KIFBP: variants seen among roughly 807,000 people sequenced by gnomAD.
KIFBP encodes KIF-binding protein.
In KIFBP, 46 loss-of-function variants were observed where a neutral mutation model predicts 58.9. The ratio of observed to expected loss-of-function variants is 0.78; its 90% CI spans 0.62 to 1.00. The LOEUF (loss-of-function observed/expected upper bound fraction) is 1.00. KIFBP is among the 50% of genes least tolerant of loss of function. KIFBP has a pLI of 0.00. For missense variants in KIFBP, 651 were observed against 752.9 expected, an observed-to-expected ratio of 0.86 and a Z score of 1.58; for synonymous variants, 241 against 283.4, an observed-to-expected ratio of 0.85 and a Z score of 1.50.
intron 1 of KIFBP, chr10:68,999,869 C>A (rs1313405841): frequency 6.3e-6 from 1 of 157,942 alleles, no homozygotes; most frequent in African/African-American, 2.4e-5. Context: ...AACGGTGAAA[C>A]CCCGTCTCTA....
chr10:69,016,805 A>G lies in KIFBP; in HGVS notation c.*389A>G, dbSNP rs1839012514. On this transcript the variant is annotated 3_prime_UTR_variant, in exon 7 of 7. Transcript: ENST00000361983. ...TATTAAGATTGAAAAAGTAACTTCT[A>G]TAGTTACTCCTTCTAAAATATTTGA... is the stretch of plus-strand genomic sequence containing the variant. 6.1e-6 allele frequency: 1 copy of G among 164,310 alleles called. No individual in the cohort carries two copies. The highest frequency in any genetic ancestry group is 1.3e-5 in the Non-Finnish European group (1 of 75,716). The allele number at this position is 164,310 out of a possible 1,614,324, so 10.2% of individuals were successfully genotyped here.
intron 4 of KIFBP, chr10:69,006,907 G>A (rs1402688619): frequency 6.6e-6 from 1 of 152,164 alleles, no homozygotes; most frequent in African/African-American, 2.4e-5. Flanking sequence ...TCGCTTCTAG[G>A]ACTTTGGTCT....
intron 5 of KIFBP, among the ~76,000 whole-genome samples, chr10:69,010,214 C>A (rs1843576528): frequency 6.6e-6 from 1 of 152,022 alleles, no homozygotes; most frequent in Admixed American, 6.6e-5. Context: ...TGTTGGTTGG[C>A]ATATTTGTTG....
chr10:69,003,453 A>C (rs1031094992), intron 2 of KIFBP, among the ~76,000 whole-genome samples: 2 of 152,326 alleles, frequency 1.3e-5, no homozygotes, highest in East Asian at 3.9e-4. Flanking sequence ...ATTTTTATGA[A>C]AGACGTTGTT....
chr10:69,016,665 A>G lies in KIFBP; in HGVS notation c.*249A>G. ...TTTTAGATGCTTGTTTCCTATTAAA[A>G]TACAGACATTTCTACCCTCAGTTTC... On this transcript the variant is annotated 3_prime_UTR_variant, in exon 7 of 7. Coordinates refer to ENST00000361983, the MANE Select transcript of KIFBP (RefSeq NM_015634.4). The G allele has an allele frequency of 2.1e-6, 1 of 468,044 alleles. No individual in the cohort carries two copies. The highest frequency in any genetic ancestry group is 3.8e-6 in the Non-Finnish European group (1 of 261,586). The allele number at this position is 468,044 out of a possible 1,614,324, so 29.0% of individuals were successfully genotyped here.
intron 1 of KIFBP, among the ~76,000 whole-genome samples, chr10:68,997,347 A>G (rs1224457989): frequency 1.3e-5 from 2 of 152,102 alleles, no homozygotes; most frequent in Non-Finnish European, 2.9e-5. Context: ...CTTGGAGGAG[A>G]AGCCTGGTGG....
rs769689557 is a variant in KIFBP, at chr10:68,989,255, G to A, written c.423G>A (p.Ala141=). Residue 141 remains alanine, a synonymous_variant, in exon 1 of 7, where the codon GCG becomes GCA. Coordinates refer to ENST00000361983, the MANE Select transcript of KIFBP (RefSeq NM_015634.4). ...SHDCISLCIQ[A]QNNLGILWSE... Reference sequence around the variant, plus strand: ...ACTGCATCTCTCTCTGCATCCAGGCGCAGGTGAGAGCGAGCCCGGCCAGGC... The same window carrying A: ...ACTGCATCTCTCTCTGCATCCAGGCACAGGTGAGAGCGAGCCCGGCCAGGC... 1 of 1,612,768 alleles carries A rather than the reference G, an allele frequency of 6.2e-7. No homozygotes were observed. The highest frequency in any genetic ancestry group is 8.5e-7 in the Non-Finnish European group (1 of 1,179,796).
chr10:69,006,325 G>A (rs1268353484), intron 4 of KIFBP, among the ~76,000 whole-genome samples: 1 of 152,114 alleles, frequency 6.6e-6, no homozygotes, highest in Non-Finnish European at 1.5e-5. Flanking sequence ...TTTGATAAAA[G>A]CATGTGATGC....
intron 2 of KIFBP, among the ~76,000 whole-genome samples, chr10:69,003,383 T>C (rs1229836869): frequency 6.6e-6 from 1 of 152,206 alleles, no homozygotes. Context: ...TTACTTTATG[T>C]GAATCCTGGG....
At chr10:68,994,319 G>A (rs1022954648) in intron 1 of KIFBP, among the ~76,000 whole-genome samples, 2 of 152,072 alleles carry the variant, frequency 1.3e-5, no homozygotes, top group African/African-American at 4.8e-5. Flanking sequence ...AAATACGTAT[G>A]TATGTGTGTG....
At chr10:69,003,471 G>T (rs967338308) in intron 2 of KIFBP, among the ~76,000 whole-genome samples, 1 of 152,124 alleles carries the variant, frequency 6.6e-6, no homozygotes, top group Admixed American at 6.6e-5. Flanking sequence ...GTTCCTTTTT[G>T]AGTTTAATGA....
intron 6 of KIFBP, 32 bp from the exon 7 acceptor site, chr10:69,015,509 A>G (rs201408387): frequency 1.9e-6 from 3 of 1,604,342 alleles, no homozygotes; most frequent in East Asian, 4.5e-5. Context: ...TGAGTGTCCT[A>G]CTTAACCATA....
intron 1 of KIFBP, among the ~76,000 whole-genome samples, chr10:68,998,392 A>C (rs1431633971): frequency 1.3e-5 from 2 of 152,192 alleles, no homozygotes; most frequent in Non-Finnish European, 2.9e-5. Context: ...GCAAACTAGC[A>C]TAATAGAAAG....
chr10:69,005,435 T>C (rs1843521959), intron 3 of KIFBP, among the ~76,000 whole-genome samples: 1 of 152,148 alleles, frequency 6.6e-6, no homozygotes, highest in South Asian at 2.1e-4. Context: ...CCCAGCACTT[T>C]GGGAGGCTGA....
chr10:69,011,395 C>CTTTTT (rs10700812), intron 6 of KIFBP: 7 of 130,038 alleles, frequency 5.4e-5, no homozygotes, highest in South Asian at 1.8e-4. Flanking sequence ...ATATCATATT[C>CTTTTT]TTTTTTTTTT....
intron 1 of KIFBP, among the ~76,000 whole-genome samples, chr10:68,999,190 C>T (rs538791480): frequency 1.1e-4 from 16 of 151,954 alleles, no homozygotes; most frequent in African/African-American, 3.4e-4. Flanking sequence ...CTCTGCCTCC[C>T]AGGTTCAGGC....
At chr10:69,005,450 G>A (rs1564636872) in intron 3 of KIFBP, among the ~76,000 whole-genome samples, 2 of 152,110 alleles carry the variant, frequency 1.3e-5, no homozygotes, top group South Asian at 2.1e-4. Flanking sequence ...GGCTGAGGCG[G>A]GTGGATCACA....
intron 1 of KIFBP, chr10:68,991,469 G>A (rs374566154): frequency 3.2e-5 from 12 of 380,384 alleles, no homozygotes; most frequent in South Asian, 2.5e-4. Context: ...AGTTATCAAT[G>A]AGGATGTCGA....
At chr10:68,998,442 T>C (rs1013675205) in intron 1 of KIFBP, among the ~76,000 whole-genome samples, 6 of 151,784 alleles carry the variant, frequency 4.0e-5, no homozygotes, top group Non-Finnish European at 8.8e-5. Flanking sequence ...AAGTCCCAGG[T>C]CCTATAATAC....
Sources: gnomAD v4.1 joint callset for allele counts (sites outside exome capture counted in the v4.1 genomes callset) on GRCh38, gnomAD v4.1.1 for gene constraint, MANE v1.5 for transcripts, NCBI Gene and HGNC (gene_info 2026-07-23, HGNC 2026-07-21) for gene names.